The following TENM4 variants were observed in gnomAD, a reference collection of about 807,000 sequenced individuals.
The protein encoded by TENM4 is teneurin-4.
A neutral mutation model predicts 243.3 loss-of-function variants in TENM4; 82 were observed. The observed-to-expected ratio is 0.34, with a 90% confidence interval of 0.28 to 0.40. TENM4 has a LOEUF of 0.40. TENM4 is among the 10% of genes least tolerant of loss of function. TENM4 has a pLI of 1.00. For synonymous variants in TENM4, 1,412 were observed against 1,456.3 expected, an observed-to-expected ratio of 0.97 and a Z score of 0.69; for missense variants, 3,138 against 3,673.3, an observed-to-expected ratio of 0.85 and a Z score of 3.77.
intron 4 of TENM4, among the ~76,000 whole-genome samples, chr11:79,110,808 C>T (rs530901230): frequency 6.6e-6 from 1 of 152,144 alleles, no homozygotes; most frequent in Non-Finnish European, 1.5e-5. Context: ...AGGCCCTTTG[C>T]CGGTAAAGCA....
chr11:78,963,839 C>T (rs1857382111), intron 6 of TENM4, among the ~76,000 whole-genome samples: 1 of 150,488 alleles, frequency 6.6e-6, no homozygotes, highest in African/African-American at 2.4e-5. Flanking sequence ...CCAAGTGATT[C>T]TCCTGCCTCA....
intron 1 of TENM4, among the ~76,000 whole-genome samples, chr11:79,307,051 T>C (rs1856637568): frequency 2.0e-5 from 3 of 152,168 alleles, no homozygotes; most frequent in African/African-American, 7.2e-5. Context: ...AATCAACCAC[T>C]ATCAGACCAC....
At chr11:79,343,939 T>C (rs1021846608) in intron 1 of TENM4, among the ~76,000 whole-genome samples, 11 of 152,162 alleles carry the variant, frequency 7.2e-5, no homozygotes, top group African/African-American at 2.4e-4. Flanking sequence ...ACAAAGAACA[T>C]AGATGGGGTC....
chr11:79,194,094 T>C (rs1388447165), intron 3 of TENM4, among the ~76,000 whole-genome samples: 4 of 152,060 alleles, frequency 2.6e-5, no homozygotes, highest in Non-Finnish European at 4.4e-5. Context: ...TCACGAGATC[T>C]GATGAGTTTA....
intron 3 of TENM4, among the ~76,000 whole-genome samples, chr11:79,201,780 C>T (rs114527763): frequency 0.014 from 2,206 of 152,272 alleles, 48 homozygotes; most frequent in African/African-American, 0.048. Flanking sequence ...AGGGAAACCA[C>T]TGTAGGGTTT....
At chr11:79,326,938 G>GA (rs1180507182) in intron 1 of TENM4, among the ~76,000 whole-genome samples, 1 of 152,144 alleles carries the variant, frequency 6.6e-6, no homozygotes, top group African/African-American at 2.4e-5. Context: ...AAAAAAGAAA[G>GA]AAAAAACTTG....
intron 2 of TENM4, among the ~76,000 whole-genome samples, chr11:79,236,281 T>C (rs1381906146): frequency 6.6e-6 from 1 of 152,222 alleles, no homozygotes; most frequent in Non-Finnish European, 1.5e-5. Flanking sequence ...TGGAAATCCT[T>C]CGGATGCCTG....
At chr11:78,798,302 A>G (rs563384) in intron 15 of TENM4, among the ~76,000 whole-genome samples, 41,268 of 152,166 alleles carry the variant, frequency 0.27, 7,731 homozygotes, top group African/African-American at 0.53. Context: ...GTCGATTGTG[A>G]CCTAATTTGA....
intron 2 of TENM4, among the ~76,000 whole-genome samples, chr11:79,239,980 T>C (rs1202901960): frequency 6.6e-6 from 1 of 152,226 alleles, no homozygotes; most frequent in Non-Finnish European, 1.5e-5. Context: ...TGTGACATTA[T>C]ACTGCTGATT....
At chr11:78,690,939 G>C (rs1175651839) in intron 28 of TENM4, among the ~76,000 whole-genome samples, 1 of 152,136 alleles carries the variant, frequency 6.6e-6, no homozygotes, top group Non-Finnish European at 1.5e-5. Context: ...ACATGAAAAA[G>C]ATTTTATTAT....
At chr11:78,870,742 G>A (rs1328766819) in intron 9 of TENM4, among the ~76,000 whole-genome samples, 5 of 152,224 alleles carry the variant, frequency 3.3e-5, no homozygotes, top group East Asian at 1.9e-4. Flanking sequence ...AGTTGGTCCC[G>A]AGCCAGAGGA....
At chr11:78,896,608 C>T (rs1295006959) in intron 7 of TENM4, among the ~76,000 whole-genome samples, 1 of 152,154 alleles carries the variant, frequency 6.6e-6, no homozygotes, top group Non-Finnish European at 1.5e-5. Context: ...GAGCCAACTA[C>T]TTGCCATCTC....
chr11:78,799,471 T>C lies in TENM4; in HGVS notation c.2179+5821A>G, dbSNP rs1857234858. Among the ~76,000 whole-genome samples, 3 of 152,236 alleles carry C rather than the reference T, an allele frequency of 2.0e-5. No homozygotes were observed. In the South Asian group the frequency reaches 6.2e-4, roughly 32 times the overall value. On this transcript the variant is annotated intron_variant, in intron 15 of 33. Coordinates refer to ENST00000278550, the MANE Select transcript of TENM4 (RefSeq NM_001098816.3). ...TGTTAGAGTCTAAGGACTGTTTGGA[T>C]AACTTAAATCTAATCATGCATTCTA...
At chr11:79,167,809 C>A (rs893544718) in intron 3 of TENM4, among the ~76,000 whole-genome samples, 7 of 152,208 alleles carry the variant, frequency 4.6e-5, no homozygotes, top group African/African-American at 1.7e-4. Flanking sequence ...ACCCTCCCCT[C>A]TCTAAACCAG....
intron 4 of TENM4, among the ~76,000 whole-genome samples, chr11:79,099,464 C>A (rs943802573): frequency 6.6e-6 from 1 of 152,124 alleles, no homozygotes; most frequent in African/African-American, 2.4e-5. Flanking sequence ...CCTCCCAAAG[C>A]ACTTGCTCCC....
intron 6 of TENM4, among the ~76,000 whole-genome samples, chr11:78,914,224 A>C (rs1856262734): frequency 6.6e-6 from 1 of 152,136 alleles, no homozygotes. Flanking sequence ...TTCATTTTTA[A>C]TCTCCTGAGT....
At chr11:79,091,827 A>G (rs565734908) in intron 4 of TENM4, among the ~76,000 whole-genome samples, 63 of 152,174 alleles carry the variant, frequency 4.1e-4, no homozygotes, top group African/African-American at 1.5e-3. Context: ...TGGCCTGCAC[A>G]CCTGTCATCT....
chr11:79,387,192 T>C (rs546618977), intron 1 of TENM4, among the ~76,000 whole-genome samples: 1 of 152,288 alleles, frequency 6.6e-6, no homozygotes, highest in East Asian at 1.9e-4. Context: ...AATTATAAAA[T>C]GGGCCAACCA....
At chr11:78,849,068 C>T (rs1335795345) in intron 12 of TENM4, among the ~76,000 whole-genome samples, 2 of 152,194 alleles carry the variant, frequency 1.3e-5, no homozygotes, top group African/African-American at 2.4e-5. Context: ...CTGCAGGGCA[C>T]CTCTGTTATG....
Sources: gnomAD v4.1 joint callset for allele counts (sites outside exome capture counted in the v4.1 genomes callset) on GRCh38, gnomAD v4.1.1 for gene constraint, MANE v1.5 for transcripts, NCBI Gene and HGNC (gene_info 2026-07-23, HGNC 2026-07-21) for gene names.